The following RFK variants were observed in gnomAD, a reference collection of about 807,000 sequenced individuals.
RFK encodes 0610038L10Rik.
In RFK, 4 loss-of-function variants were observed where a neutral mutation model predicts 17.6. The ratio of observed to expected loss-of-function variants is 0.23; its 90% CI spans 0.11 to 0.52. RFK has a LOEUF of 0.52. RFK is among the 20% of genes least tolerant of loss of function. The pLI is 0.96. For synonymous variants in RFK, 59 were observed against 63.8 expected, an observed-to-expected ratio of 0.92 and a Z score of 0.36; for missense variants, 189 against 187.7, an observed-to-expected ratio of 1.01 and a Z score of -0.04.
intron 1 of RFK, 91 bp from the exon 2 acceptor site, chr9:76,392,660 A>G: frequency 7.6e-7 from 1 of 1,311,038 alleles, no homozygotes. Flanking sequence ...TAATTCTAGG[A>G]CTTTGAGAGG....
Position 76,388,596 on chromosome 9 carries a change from T to C in RFK, c.295A>G (p.Ile99Val). ...TTTTCTGGTCTCAGGTAGCCAACAA[T>C]GGCCACATTGAGGATTTCCCCATAG... is the stretch of plus-strand genomic sequence containing the variant. Reference protein sequence around the residue: ...DFYGEILNVAIVGYLRPEKNF... With the variant: ...DFYGEILNVAVVGYLRPEKNF... The change falls in exon 3 of 4, where the codon ATT becomes GTT. Residue 99 changes from isoleucine to valine, a missense_variant. Physicochemically the swap from Ile to Val is conservative, Grantham distance 29. Coordinates refer to ENST00000376736, the MANE Select transcript of RFK (RefSeq NM_018339.6). 6.2e-7 allele frequency: 1 copy of C among 1,612,766 alleles called. No homozygotes were observed. The highest frequency in any genetic ancestry group is 8.5e-7 in the Non-Finnish European group (1 of 1,178,806).
At chr9:76,390,244 C>T (rs1042901847) in intron 2 of RFK, among the ~76,000 whole-genome samples, 1 of 152,044 alleles carries the variant, frequency 6.6e-6, no homozygotes, top group African/African-American at 2.4e-5. Flanking sequence ...ATATGTCAGT[C>T]AATTAAACTT....
Position 76,386,921 on chromosome 9 carries a change from T to G in RFK, c.*478A>C, listed in dbSNP as rs902337922. ...CTCGCTATGTTGCCCAGGCTGGTCT[T>G]GAACTCATGAGCTCAAGCAATCCTC... On this transcript the variant is annotated 3_prime_UTR_variant, in exon 4 of 4. Transcript: ENST00000376736. 6.6e-6 allele frequency: 1 copy of G among 152,488 alleles called. No homozygotes were observed. The highest frequency in any genetic ancestry group is 2.4e-5 in the African/African-American group (1 of 41,440). 9.4% of individuals were successfully genotyped at this position (152,488 alleles called of 1,614,324 possible). A position where few individuals can be genotyped will look rare whatever the true frequency, so the allele number is the denominator to read the frequency against.
At chr9:76,388,118 G>A (rs1822763752) in intron 3 of RFK, 1 of 374,542 alleles carries the variant, frequency 2.7e-6, no homozygotes, top group East Asian at 7.5e-5. Context: ...TTTTTGGTTG[G>A]TATTTACACT....
At chr9:76,392,144 C>T (rs1441509718) in intron 2 of RFK, among the ~76,000 whole-genome samples, 1 of 151,932 alleles carries the variant, frequency 6.6e-6, no homozygotes, top group Non-Finnish European at 1.5e-5. Context: ...AAGCACACTA[C>T]CACAAAAGGC....
intron 2 of RFK, among the ~76,000 whole-genome samples, chr9:76,389,765 A>G (rs1327448221): frequency 6.6e-6 from 1 of 152,164 alleles, no homozygotes; most frequent in Non-Finnish European, 1.5e-5. Flanking sequence ...CGAAGACTCC[A>G]TCTCAAAAAA....
intron 1 of RFK, among the ~76,000 whole-genome samples, chr9:76,393,327 T>C (rs2501922): frequency 0.59 from 89,434 of 151,718 alleles, 27,365 homozygotes; most frequent in Non-Finnish European, 0.66. Flanking sequence ...CTGCCTCAGG[T>C]TCCCGAGTAG....
intron 2 of RFK, 99 bp downstream of exon 2, chr9:76,392,319 G>T: frequency 8.0e-7 from 1 of 1,246,968 alleles, no homozygotes; most frequent in Non-Finnish European, 1.1e-6. Flanking sequence ...GAACTACGTT[G>T]TGATTACCAC....
rs1822721160 is a variant in RFK, at chr9:76,385,765, C to A, written c.*1634G>T. 1 of 152,174 alleles carries A rather than the reference C, an allele frequency of 6.6e-6. No individual in the cohort carries two copies. The highest frequency in any genetic ancestry group is 2.4e-5 in the African/African-American group (1 of 41,438). 9.4% of individuals were successfully genotyped at this position (152,174 alleles called of 1,614,324 possible). A position where few individuals can be genotyped will look rare whatever the true frequency, so the allele number is the denominator to read the frequency against. On this transcript the variant is annotated 3_prime_UTR_variant, in exon 4 of 4. Coordinates refer to ENST00000376736, the MANE Select transcript of RFK (RefSeq NM_018339.6). ...AGATAGCATTTAGCAGCAAGTTAGT[C>A]AGACAAAACAAACACAAATATTTTC...
intron 2 of RFK, among the ~76,000 whole-genome samples, chr9:76,391,593 C>T (rs1333112634): frequency 6.6e-6 from 1 of 152,184 alleles, no homozygotes; most frequent in Non-Finnish European, 1.5e-5. Flanking sequence ...ATGAAACAGG[C>T]TTTTAAATCA....
At position 76,390,841 on chromosome 9, in the gene RFK, T is replaced by G. The variant is rs1169004279; in HGVS notation, c.234+1577A>C. Among the ~76,000 whole-genome samples, 3 of 33,728 alleles carry G rather than the reference T, an allele frequency of 8.9e-5. No individual in the cohort carries two copies. The Admixed American group carries it at 1.1e-3, about 12-fold the overall frequency. The allele number at this position is 33,728 out of a possible 152,430, so 22.1% of individuals were successfully genotyped here. On this transcript the variant is annotated intron_variant, in intron 2 of 3. Transcript: ENST00000376736. ...TATTTAAGGTCAGTAAGATAACGCTTTTTTTTTTTTTAAAGGACAAAGGTC... is the reference window on the plus strand; with the variant it reads ...TATTTAAGGTCAGTAAGATAACGCTGTTTTTTTTTTTAAAGGACAAAGGTC...
At position 76,394,200 on chromosome 9, in the gene RFK, G is replaced by A. The variant is rs1255791636; in HGVS notation, c.-29C>T. Reference sequence around the variant, plus strand: ...GCAGTCCGCTCGGGGAATGGGCTGCGGCCCGGTCTGCGCGTCCTGCGGAGC... The same window carrying A: ...GCAGTCCGCTCGGGGAATGGGCTGCAGCCCGGTCTGCGCGTCCTGCGGAGC... On this transcript the variant is annotated 5_prime_UTR_variant, in exon 1 of 4. Transcript: ENST00000376736. 7.1e-6 allele frequency: 11 copies of A among 1,559,374 alleles called. No homozygotes were observed. The highest frequency in any genetic ancestry group is 4.7e-5 in the South Asian group (4 of 84,520).
At chr9:76,391,799 T>C (rs1024260132) in intron 2 of RFK, among the ~76,000 whole-genome samples, 10 of 152,192 alleles carry the variant, frequency 6.6e-5, no homozygotes, top group Admixed American at 4.6e-4. Flanking sequence ...GGCAGTGGCA[T>C]GTACCTATAG....
rs1003648511 is a variant in RFK at position 76,387,539 on chromosome 9, G to C, written c.338-10C>G. The C allele has an allele frequency of 3.1e-6, 5 of 1,596,678 alleles. No individual in the cohort carries two copies. The African/African-American group carries it at 4.1e-5, about 13-fold the overall frequency. On this transcript the variant is annotated splice_polypyrimidine_tract_variant and intron_variant, in intron 3 of 3. Transcript: ENST00000376736. Reference sequence around the variant, plus strand: ...GCTGAAATAAGTGACTCTGCAGAGAGAATATACCAGGTAAAAATGATGAAA... The same window carrying C: ...GCTGAAATAAGTGACTCTGCAGAGACAATATACCAGGTAAAAATGATGAAA...
intron 3 of RFK, chr9:76,387,784 G>A (rs372271132): frequency 6.3e-6 from 2 of 316,372 alleles, no homozygotes; most frequent in Non-Finnish European, 1.2e-5. Flanking sequence ...CAGATCACCT[G>A]AAGTCCGGAG....
Position 76,394,188 on chromosome 9 carries a change from G to A in RFK, c.-17C>T. 1 of 1,582,034 alleles carries A rather than the reference G, an allele frequency of 6.3e-7. No individual in the cohort carries two copies. The highest frequency in any genetic ancestry group is 1.7e-4 in the Middle Eastern group (1 of 5,952). ...GTGCCTCATAATGCAGTCCGCTCGG[G>A]GAATGGGCTGCGGCCCGGTCTGCGC... On this transcript the variant is annotated 5_prime_UTR_variant, in exon 1 of 4. Transcript: ENST00000376736.
At position 76,386,203 on chromosome 9, in the gene RFK, G is replaced by A. The variant is rs1431549522; in HGVS notation, c.*1196C>T. 1 of 152,118 alleles carries A rather than the reference G, an allele frequency of 6.6e-6. No homozygotes were observed. Among genetic ancestry groups the A allele is most frequent in the Non-Finnish European group, 1.5e-5 (1 of 68,034 alleles). 9.4% of individuals were successfully genotyped at this position (152,118 alleles called of 1,614,324 possible). A position where few individuals can be genotyped will look rare whatever the true frequency, so the allele number is the denominator to read the frequency against. On this transcript the variant is annotated 3_prime_UTR_variant, in exon 4 of 4. Transcript: ENST00000376736. The stretch of plus-strand genomic sequence containing the variant: ...ATTTCCCACATATTAGTTAGTAGGA[G>A]GAAAAATCCACAGTATGAAGGCTAT...
In RFK at chr9:76,386,740, C is replaced by G. The variant is rs1405911205; in HGVS notation, c.*659G>C. On this transcript the variant is annotated 3_prime_UTR_variant, in exon 4 of 4. Transcript: ENST00000376736. ...AATGATGTGACTGCAAAGAAAATGA[C>G]TAAAACAAAACTTTACAAACATCTT... 2.0e-5 allele frequency: 3 copies of G among 152,156 alleles called. No individual in the cohort carries two copies. Among genetic ancestry groups the G allele is most frequent in the African/African-American group, 7.2e-5 (3 of 41,438 alleles). The allele number at this position is 152,156 out of a possible 1,614,324, so 9.4% of individuals were successfully genotyped here.
chr9:76,393,722 C>G, intron 1 of RFK: 1 of 310,842 alleles, frequency 3.2e-6, no homozygotes. Context: ...ACCTTAGACC[C>G]GGCTTGCGAG....
Sources: allele counts gnomAD v4.1 joint callset (sites outside exome capture counted in the v4.1 genomes callset), GRCh38; gene constraint gnomAD v4.1.1; transcripts MANE v1.5; gene names NCBI Gene and HGNC (gene_info 2026-07-23, HGNC 2026-07-21).